The following ATCAY variants were observed in gnomAD, a reference collection of about 807,000 sequenced individuals.
ATCAY encodes the protein ATCAY kinesin light chain interacting caytaxin, also known as caytaxin.
Under a neutral mutation model 47.7 loss-of-function variants are expected in ATCAY, and 22 were observed. The ratio of observed to expected loss-of-function variants is 0.46; its 90% CI spans 0.33 to 0.66. The LOEUF (loss-of-function observed/expected upper bound fraction) is 0.66. ATCAY is among the 30% of genes least tolerant of loss of function. ATCAY has a pLI of 0.02. For synonymous variants in ATCAY, 216 were observed against 207.6 expected (o/e 1.04, Z -0.35); for missense variants, 452 against 515.0 (o/e 0.88, Z 1.18).
At chr19:3,889,472 C>T (rs1434696733) in intron 2 of ATCAY, among the ~76,000 whole-genome samples, 4 of 151,998 alleles carry the variant, frequency 2.6e-5, no homozygotes, top group African/African-American at 9.7e-5. Context: ...TGGTGTGCAC[C>T]TGTAGTTTCA....
At chr19:3,894,810 G>A (rs959121062) in intron 2 of ATCAY, among the ~76,000 whole-genome samples, 1 of 151,632 alleles carries the variant, frequency 6.6e-6, no homozygotes, top group African/African-American at 2.4e-5. Flanking sequence ...TTAGCCGGGT[G>A]TGGTGGTGCA....
chr19:3,912,455 C>G (rs377457097), intron 8 of ATCAY, among the ~76,000 whole-genome samples: 1 of 152,068 alleles, frequency 6.6e-6, no homozygotes, highest in African/African-American at 2.4e-5. Context: ...GGACTACAGG[C>G]GCCCGCCACC....
chr19:3,888,631 CA>C (rs1382408823), intron 2 of ATCAY, among the ~76,000 whole-genome samples: 1 of 151,738 alleles, frequency 6.6e-6, no homozygotes, highest in African/African-American at 2.4e-5. Flanking sequence ...GAGAGTGTCT[CA>C]AAAAAACAGA....
intron 12 of ATCAY, chr19:3,922,308 C>T (rs2039027720): frequency 2.6e-5 from 18 of 679,548 alleles, no homozygotes; most frequent in South Asian, 2.5e-4. Context: ...TTAATTGACT[C>T]ACAGTTCTGC....
chr19:3,897,037 A>C (rs528764633), intron 2 of ATCAY, among the ~76,000 whole-genome samples: 3 of 152,126 alleles, frequency 2.0e-5, no homozygotes, highest in East Asian at 3.9e-4. Flanking sequence ...TCAGCCTCCC[A>C]AAGCGCTGGG....
intron 12 of ATCAY, among the ~76,000 whole-genome samples, chr19:3,922,403 A>AG (rs544737245): frequency 1.3e-4 from 20 of 152,326 alleles, no homozygotes; most frequent in South Asian, 4.1e-4. Context: ...TGCTGAGCAA[A>AG]GGGGGGAAAG....
chr19:3,919,389 C>A (rs1311686374), intron 11 of ATCAY, among the ~76,000 whole-genome samples: 1 of 151,838 alleles, frequency 6.6e-6, no homozygotes, highest in Admixed American at 6.6e-5. Context: ...GCCAAGAGAT[C>A]GAGACCAGCC....
rs1189362588 is a variant in ATCAY, at chr19:3,880,846, C to G, written c.-204C>G. The G allele has an allele frequency of 6.6e-6, 1 of 152,392 alleles. No individual in the cohort carries two copies. The highest frequency in any genetic ancestry group is 1.5e-5 in the Non-Finnish European group (1 of 68,214). 9.4% of individuals were successfully genotyped at this position (152,392 alleles called of 1,614,324 possible). A position where few individuals can be genotyped will look rare whatever the true frequency, so the allele number is the denominator to read the frequency against. ...CAAAAGAGCTGGCGGGCGCTGGCCA[C>G]GTCGCCCTGGGTGACCTTCCTCGGA... On this transcript the variant is annotated 5_prime_UTR_variant, in exon 1 of 13. Coordinates refer to ENST00000450849, the MANE Select transcript of ATCAY (RefSeq NM_033064.5).
chr19:3,908,933 CCTCCT>C, intron 6 of ATCAY, among the ~76,000 whole-genome samples: 1 of 92,782 alleles, frequency 1.1e-5, no homozygotes, highest in Non-Finnish European at 2.1e-5. Context: ...TCTTCCCCTT[CCTCCT>C]CCTCTTCCCG....
chr19:3,881,872 C>CA (rs991605970), intron 1 of ATCAY, among the ~76,000 whole-genome samples: 2 of 144,468 alleles, frequency 1.4e-5, no homozygotes, highest in African/African-American at 2.6e-5. Flanking sequence ...CACCGCCCCC[C>CA]CCCCGACCCC....
At chr19:3,908,699 TC>T (rs2038890323) in intron 6 of ATCAY, among the ~76,000 whole-genome samples, 1 of 39,330 alleles carries the variant, frequency 2.5e-5, no homozygotes, top group African/African-American at 8.4e-5. Context: ...TCCTCCCCCC[TC>T]CTCCTCCCTT....
intron 12 of ATCAY, 103 bp from the exon 13 acceptor site, chr19:3,924,480 C>A: frequency 7.1e-7 from 1 of 1,411,620 alleles, no homozygotes; most frequent in Non-Finnish European, 1.0e-6. Context: ...GGAGTTCACC[C>A]ACGCTGGGTG....
intron 2 of ATCAY, among the ~76,000 whole-genome samples, chr19:3,896,313 G>A (rs1238539498): frequency 6.7e-6 from 1 of 150,196 alleles, no homozygotes; most frequent in African/African-American, 2.4e-5. Context: ...TGTCACTCAG[G>A]CTGGAGTGCA....
chr19:3,898,224 A>G (rs1326273794), intron 2 of ATCAY, among the ~76,000 whole-genome samples: 1 of 151,178 alleles, frequency 6.6e-6, no homozygotes, highest in Non-Finnish European at 1.5e-5. Context: ...TCACTCTTTC[A>G]CCTAGGCTGG....
chr19:3,897,175 C>T (rs1009775352), intron 2 of ATCAY, among the ~76,000 whole-genome samples: 3 of 151,824 alleles, frequency 2.0e-5, no homozygotes, highest in African/African-American at 7.3e-5. Context: ...GTGCATCAGC[C>T]ATCAGCCTGC....
rs771694878 is a variant in ATCAY, at chr19:3,909,549, T to C, written c.711T>C (p.Gly237=). The C allele has an allele frequency of 1.2e-6, 2 of 1,613,736 alleles. No homozygotes were observed. Among genetic ancestry groups the C allele is most frequent in the South Asian group, 1.1e-5 (1 of 91,048 alleles). Residue 237 remains glycine (G), a synonymous_variant, in exon 7 of 13, where the codon GGT becomes GGC. Transcript: ENST00000450849. ...ACTACATGATCGTGTACCTGAACGG[T>C]GCCACGCCCCGGCGGAGGATGCCTG... The part of the protein sequence containing the change: ...AEDYMIVYLN[G]ATPRRRMPGI...
intron 2 of ATCAY, among the ~76,000 whole-genome samples, chr19:3,892,561 T>C (rs2038727498): frequency 6.6e-6 from 1 of 152,208 alleles, no homozygotes; most frequent in South Asian, 2.1e-4. Context: ...AATATCTGCA[T>C]ACCTTTAGTA....
At chr19:3,924,459 T>C (rs1267394642) in intron 12 of ATCAY, 124 bp from the exon 13 acceptor site, 1 of 1,187,466 alleles carries the variant, frequency 8.4e-7, no homozygotes. Flanking sequence ...CATGTGCCAC[T>C]CTTGCTGCTG....
intron 9 of ATCAY, among the ~76,000 whole-genome samples, chr19:3,915,879 G>A (rs1449161176): frequency 1.3e-5 from 2 of 151,562 alleles, no homozygotes; most frequent in Non-Finnish European, 1.5e-5. Context: ...TAGTAGAGAC[G>A]GAGTTTTGTC....
Sources: allele counts gnomAD v4.1 joint callset (sites outside exome capture counted in the v4.1 genomes callset), GRCh38; gene constraint gnomAD v4.1.1; transcripts MANE v1.5; gene names NCBI Gene and HGNC (gene_info 2026-07-23, HGNC 2026-07-21).